CALN1: variants seen among roughly 807,000 people sequenced by gnomAD.
CALN1 encodes calneuron 1, also known as calcium-binding protein 8.
In CALN1, 17 loss-of-function variants were observed where a neutral mutation model predicts 30.6. The ratio of observed to expected loss-of-function variants is 0.56; its 90% confidence interval spans 0.38 to 0.83. The LOEUF (loss-of-function observed/expected upper bound fraction) is 0.83, where lower values mean the gene tolerates loss of function less well. Among genes scored for constraint, CALN1 ranks in the 40% least tolerant of loss-of-function variants. The pLI, the probability that CALN1 is intolerant of heterozygous loss-of-function variation, is 0.00. For synonymous variants in CALN1, 156 were observed against 131.4 expected (o/e 1.19, Z -1.28); for missense variants, 291 against 354.9 (o/e 0.82, Z 1.45).
chr7:72,117,969 A>AG (rs1808110789), intron 3 of CALN1, among the ~76,000 whole-genome samples: 1 of 146,978 alleles, frequency 6.8e-6, no homozygotes, highest in African/African-American at 2.7e-5. Flanking sequence ...AAAAAAAAAA[A>AG]GAAAAAAAAA....
intron 2 of CALN1, among the ~76,000 whole-genome samples, chr7:72,312,657 A>C (rs181358182): frequency 2.8e-4 from 42 of 152,270 alleles, no homozygotes; most frequent in East Asian, 1.4e-3. Context: ...AAGGACAAGT[A>C]AGTCAAAGAA....
At chr7:71,809,464 CAAAA>C (rs10682965) in intron 6 of CALN1, among the ~76,000 whole-genome samples, 5 of 108,402 alleles carry the variant, frequency 4.6e-5, no homozygotes, top group African/African-American at 7.0e-5. Flanking sequence ...TTTAAATGTT[CAAAA>C]AAAAAAAAAA....
chr7:72,180,010 TACAAACAAGGCA>T (rs1789645793), intron 3 of CALN1, among the ~76,000 whole-genome samples: 1 of 152,204 alleles, frequency 6.6e-6, no homozygotes, highest in African/African-American at 2.4e-5. Flanking sequence ...CGCATCAGGA[TACAAACAAGGCA>T]CACATGTTGC....
At position 71,830,659 on chromosome 7, in the gene CALN1, T is replaced by A. The variant is rs116882665; in HGVS notation, c.502-20167A>T. Among the ~76,000 whole-genome samples the A allele has an allele frequency of 2.6e-4, 39 of 152,248 alleles. No individual in the cohort carries two copies. The East Asian group carries it at 6.8e-3, about 26-fold the overall frequency. Reference sequence around the variant, plus strand: ...CACCATGCCCAGCCAATGAATAAGTTCTTAGTAGTAATAAACTGAGAAAAA... The same window carrying A: ...CACCATGCCCAGCCAATGAATAAGTACTTAGTAGTAATAAACTGAGAAAAA... On this transcript the variant is annotated intron_variant, in intron 5 of 6. Coordinates refer to ENST00000395275, the MANE Select transcript of CALN1 (RefSeq NM_031468.4).
chr7:72,404,710 G>C (rs1806583834), intron 1 of CALN1, among the ~76,000 whole-genome samples: 1 of 152,160 alleles, frequency 6.6e-6, no homozygotes, highest in Admixed American at 6.6e-5. Flanking sequence ...CTCATGCCTG[G>C]GAAGTGGTCT....
the CALN1 span, among the ~76,000 whole-genome samples, chr7:72,502,041 G>A: frequency 0.12 from 14,443 of 124,372 alleles, 1,496 homozygotes; most frequent in African/African-American, 0.16. Context: ...CTAAGTAAAC[G>A]TTAGAAAGAC....
intron 5 of CALN1, among the ~76,000 whole-genome samples, chr7:72,007,511 C>T (rs1476057419): frequency 1.3e-5 from 2 of 152,204 alleles, no homozygotes; most frequent in East Asian, 3.8e-4. Context: ...CGCATAACTG[C>T]ACTCTAGCCT....
At chr7:71,861,128 C>G (rs904019271) in intron 5 of CALN1, among the ~76,000 whole-genome samples, 3 of 151,952 alleles carry the variant, frequency 2.0e-5, no homozygotes, top group African/African-American at 7.3e-5. Flanking sequence ...AACACTGAAC[C>G]CTGAATGCCA....
intron 5 of CALN1, among the ~76,000 whole-genome samples, chr7:71,833,230 G>C (rs975544399): frequency 9.9e-5 from 15 of 152,140 alleles, no homozygotes; most frequent in Non-Finnish European, 2.2e-4. Flanking sequence ...CGGTGTGTGA[G>C]AATCGCCTGC....
intron 3 of CALN1, among the ~76,000 whole-genome samples, chr7:72,165,360 G>T (rs1788447106): frequency 6.6e-6 from 1 of 152,070 alleles, no homozygotes; most frequent in African/African-American, 2.4e-5. Context: ...ATGAGTTTGA[G>T]ACCAGCCTGG....
At chr7:72,124,408 G>A (rs1217056285) in intron 3 of CALN1, among the ~76,000 whole-genome samples, 1 of 152,176 alleles carries the variant, frequency 6.6e-6, no homozygotes, top group Non-Finnish European at 1.5e-5. Flanking sequence ...GGAGGCCAAG[G>A]TGGGAGAATC....
chr7:72,303,557 C>T (rs1307136333), intron 2 of CALN1, among the ~76,000 whole-genome samples: 1 of 139,860 alleles, frequency 7.2e-6, no homozygotes, highest in East Asian at 2.3e-4. Flanking sequence ...AACTCCATCT[C>T]AAAAAAAAGA....
intron 1 of CALN1, among the ~76,000 whole-genome samples, chr7:72,427,004 A>T (rs1807819688): frequency 6.6e-6 from 1 of 152,094 alleles, no homozygotes; most frequent in African/African-American, 2.4e-5. Flanking sequence ...TTTTAAAGTG[A>T]TGAGATCTCA....
intron 4 of CALN1, among the ~76,000 whole-genome samples, chr7:72,065,899 A>G (rs1010205266): frequency 6.7e-6 from 1 of 149,376 alleles, no homozygotes. Flanking sequence ...ATCTCAAAAA[A>G]AGAAAAGAAA....
intron 4 of CALN1, among the ~76,000 whole-genome samples, chr7:72,048,042 T>TTC (rs71300802): frequency 8.2e-6 from 1 of 122,090 alleles, no homozygotes; most frequent in Non-Finnish European, 1.6e-5. Context: ...CTTCTTCTTC[T>TTC]TTTTTTTTTT....
intron 2 of CALN1, among the ~76,000 whole-genome samples, chr7:72,296,287 G>C (rs1405048379): frequency 1.4e-5 from 2 of 147,026 alleles, no homozygotes; most frequent in African/African-American, 5.0e-5. Flanking sequence ...GAGGATTTTT[G>C]CATCAATGTT....
the CALN1 span, among the ~76,000 whole-genome samples, chr7:72,460,031 T>C: frequency 2.6e-5 from 4 of 152,264 alleles, no homozygotes; most frequent in African/African-American, 9.6e-5. Flanking sequence ...CTTCCAATCA[T>C]GGTGGAAGGA....
chr7:72,067,534 G>A (rs1036775322), intron 4 of CALN1, among the ~76,000 whole-genome samples: 2 of 152,142 alleles, frequency 1.3e-5, no homozygotes, highest in Non-Finnish European at 2.9e-5. Context: ...ACAGGCATGA[G>A]CAACCACTCT....
chr7:71,979,336 G>A (rs181969280), intron 5 of CALN1, among the ~76,000 whole-genome samples: 2 of 152,274 alleles, frequency 1.3e-5, no homozygotes, highest in East Asian at 3.9e-4. Flanking sequence ...TCATCATAAT[G>A]TAAAATCAGT....
Sources: allele counts gnomAD v4.1 joint callset (sites outside exome capture counted in the v4.1 genomes callset), GRCh38; gene constraint gnomAD v4.1.1; transcripts MANE v1.5; gene names NCBI Gene and HGNC (gene_info 2026-07-23, HGNC 2026-07-21).